Variants in SPAG16 observed in about 807,000 individuals in gnomAD.
The protein encoded by SPAG16 is sperm-associated antigen 16 protein.
In SPAG16, 86 loss-of-function variants were observed where a neutral mutation model predicts 80.4. The ratio of observed to expected loss-of-function variants is 1.07; its 90% CI spans 0.90 to 1.28. SPAG16 has a LOEUF of 1.28. Among genes scored for constraint, SPAG16 ranks in the 50% most tolerant of loss-of-function variants. The pLI, the probability that SPAG16 is intolerant of heterozygous loss-of-function variation, is 0.00. For missense variants in SPAG16, 870 were observed against 765.3 expected, an observed-to-expected ratio of 1.14 and a Z score of -1.61; for synonymous variants, 294 against 265.9, an observed-to-expected ratio of 1.11 and a Z score of -1.03.
chr2:214,155,224 A>T (rs974239506), intron 15 of SPAG16, among the ~76,000 whole-genome samples: 6 of 152,140 alleles, frequency 3.9e-5, no homozygotes, highest in Non-Finnish European at 7.4e-5. Context: ...GGCCAGAAAA[A>T]AATCTATCTT....
rs376045248 is a variant in SPAG16 at position 213,520,062 on chromosome 2, AGAG to A, written c.1070+29976_1070+29978del. ...ACACACGAGAGAGAGAGAGAAATAG[AGAG>A]GAGAGAGAGAGAGCAAGAGCAAGAG... On this transcript the variant is annotated intron_variant, in intron 10 of 15. Transcript: ENST00000331683. 5.4e-4 allele frequency among the ~76,000 whole-genome samples: 80 copies of A among 148,980 alleles called. No homozygotes were observed. In the East Asian group the frequency reaches 0.016, roughly 30 times the overall value.
At chr2:213,814,871 A>G (rs1021541929) in intron 10 of SPAG16, among the ~76,000 whole-genome samples, 2 of 150,728 alleles carry the variant, frequency 1.3e-5, no homozygotes, top group Non-Finnish European at 3.0e-5. Flanking sequence ...TAACAGCCTT[A>G]AATATATATA....
chr2:214,187,845 GAAATA>G (rs1474982966), intron 15 of SPAG16, among the ~76,000 whole-genome samples: 2 of 151,626 alleles, frequency 1.3e-5, no homozygotes, highest in South Asian at 2.1e-4. Context: ...TAAACAAAAT[GAAATA>G]GGCTCCAAAC....
At chr2:213,978,067 A>C (rs2045512144) in intron 12 of SPAG16, among the ~76,000 whole-genome samples, 1 of 150,684 alleles carries the variant, frequency 6.6e-6, no homozygotes. Flanking sequence ...ACTATGAGAC[A>C]CCCCTTTTAA....
intron 1 of SPAG16, 120 bp downstream of exon 1, chr2:213,284,739 G>C: frequency 2.2e-6 from 3 of 1,379,586 alleles, no homozygotes; most frequent in Non-Finnish European, 9.6e-7. Flanking sequence ...AGGAGCCTCT[G>C]TTGGACTTCA....
At chr2:213,706,795 G>A (rs187978199) in intron 10 of SPAG16, among the ~76,000 whole-genome samples, 2 of 152,150 alleles carry the variant, frequency 1.3e-5, no homozygotes, top group African/African-American at 4.8e-5. Context: ...GGGGGTTATG[G>A]CTTGAAGTTT....
intron 10 of SPAG16, among the ~76,000 whole-genome samples, chr2:213,555,588 C>T (rs2059400730): frequency 6.6e-6 from 1 of 152,170 alleles, no homozygotes; most frequent in Non-Finnish European, 1.5e-5. Context: ...TTCTTCATAT[C>T]AGTGTAAGAA....
intron 10 of SPAG16, among the ~76,000 whole-genome samples, chr2:213,656,005 TTGTTTTTGCTG>T (rs967088698): frequency 5.9e-5 from 9 of 152,198 alleles, no homozygotes; most frequent in African/African-American, 2.2e-4. Context: ...TACAGGGCAA[TTGTTTTTGCTG>T]TGTAATTCTT....
In SPAG16 at chr2:213,772,450, A is replaced by C. The variant is rs548686490; in HGVS notation, c.1071-90035A>C. On this transcript the variant is annotated intron_variant, in intron 10 of 15. Coordinates refer to ENST00000331683, the MANE Select transcript of SPAG16 (RefSeq NM_024532.5). ...CCTATGTAGCAAATAATCTTCTAAC[A>C]TAAGGTCAAAACTATTTTTCCTGTG... 2.6e-5 allele frequency among the ~76,000 whole-genome samples: 4 copies of C among 152,276 alleles called. No individual in the cohort carries two copies. The East Asian group carries it at 7.7e-4, about 29-fold the overall frequency.
intron 15 of SPAG16, among the ~76,000 whole-genome samples, chr2:214,373,222 T>C (rs1033626923): frequency 2.6e-5 from 4 of 152,176 alleles, no homozygotes; most frequent in African/African-American, 9.6e-5. Flanking sequence ...AATTTTATAA[T>C]ATCTTTAATA....
intron 10 of SPAG16, among the ~76,000 whole-genome samples, chr2:213,684,430 G>A (rs569602017): frequency 2.0e-5 from 3 of 152,178 alleles, no homozygotes; most frequent in Non-Finnish European, 4.4e-5. Flanking sequence ...GAAAATAGAG[G>A]AAAATATCTC....
intron 11 of SPAG16, among the ~76,000 whole-genome samples, chr2:213,869,078 CT>C (rs1334755243): frequency 1.3e-5 from 2 of 151,044 alleles, no homozygotes; most frequent in Non-Finnish European, 3.0e-5. Context: ...ATGGTGAAAC[CT>C]CATCTCTACT....
At chr2:213,990,629 G>A (rs868774029) in intron 12 of SPAG16, among the ~76,000 whole-genome samples, 25 of 152,140 alleles carry the variant, frequency 1.6e-4, no homozygotes, top group Non-Finnish European at 4.4e-5. Context: ...TTAAGTGGAA[G>A]GGGATCATCC....
chr2:214,255,648 C>G (rs907430093), intron 15 of SPAG16, among the ~76,000 whole-genome samples: 1 of 151,856 alleles, frequency 6.6e-6, no homozygotes, highest in Non-Finnish European at 1.5e-5. Flanking sequence ...CTCTCGTGCC[C>G]CTTTTCACTC....
chr2:213,900,314 A>G (rs962583183), intron 11 of SPAG16, among the ~76,000 whole-genome samples: 1 of 152,272 alleles, frequency 6.6e-6, no homozygotes, highest in South Asian at 2.1e-4. Flanking sequence ...TAGTTAAATG[A>G]AAAAGACAAA....
intron 9 of SPAG16, among the ~76,000 whole-genome samples, chr2:213,458,017 C>G (rs1358990396): frequency 1.3e-5 from 2 of 151,976 alleles, no homozygotes; most frequent in Middle Eastern, 3.4e-3. Context: ...TCATCACATT[C>G]TAATATAAAC....
chr2:213,519,119 C>T (rs540348662), intron 10 of SPAG16, among the ~76,000 whole-genome samples: 1 of 152,228 alleles, frequency 6.6e-6, no homozygotes, highest in South Asian at 2.1e-4. Context: ...GCTCACTACC[C>T]GAGTGCAATA....
chr2:213,310,739 TAAC>T (rs1471869732), intron 4 of SPAG16, among the ~76,000 whole-genome samples: 1 of 151,858 alleles, frequency 6.6e-6, no homozygotes, highest in African/African-American at 2.4e-5. Flanking sequence ...AAAATTTTAA[TAAC>T]TAGTTATGAA....
intron 10 of SPAG16, among the ~76,000 whole-genome samples, chr2:213,809,432 T>A (rs1284963527): frequency 6.6e-6 from 1 of 152,132 alleles, no homozygotes; most frequent in Non-Finnish European, 1.5e-5. Flanking sequence ...AGGAAACATC[T>A]AAGGTCATTT....
Sources: gnomAD v4.1 joint callset for allele counts (sites outside exome capture counted in the v4.1 genomes callset) on GRCh38, gnomAD v4.1.1 for gene constraint, MANE v1.5 for transcripts, NCBI Gene and HGNC (gene_info 2026-07-23, HGNC 2026-07-21) for gene names.